The following PRKN variants were observed in gnomAD, a reference collection of about 807,000 sequenced individuals.
The protein encoded by PRKN is E3 ubiquitin-protein ligase parkin.
A neutral mutation model predicts 59.5 loss-of-function variants in PRKN; 56 were observed. That is an observed-to-expected ratio of 0.94 (90% CI 0.76 to 1.18). The LOEUF (loss-of-function observed/expected upper bound fraction) is 1.18. Among genes scored for constraint, PRKN ranks in the 50% most tolerant of loss-of-function variants. PRKN has a pLI of 0.00. For missense variants in PRKN, 657 were observed against 596.4 expected, an observed-to-expected ratio of 1.10 and a Z score of -1.06; for synonymous variants, 250 against 222.1, an observed-to-expected ratio of 1.13 and a Z score of -1.12.
chr6:162,249,071 G>C (rs1027931721), intron 3 of PRKN, among the ~76,000 whole-genome samples: 1 of 152,086 alleles, frequency 6.6e-6, no homozygotes, highest in Admixed American at 6.5e-5. Context: ...GTAGAGACGA[G>C]GTTTCACCAT....
intron 4 of PRKN, among the ~76,000 whole-genome samples, chr6:162,102,486 A>C (rs993860743): frequency 6.6e-6 from 1 of 152,214 alleles, no homozygotes; most frequent in Admixed American, 6.5e-5. Context: ...TTAATCTTAA[A>C]AGATAAGTAA....
At position 161,400,556 on chromosome 6, in the gene PRKN, C is replaced by T. The variant is rs192375622; in HGVS notation, c.1084-13679G>A. On this transcript the variant is annotated intron_variant, in intron 9 of 11. Transcript: ENST00000366898. The surrounding 1 kb of genome is among the most constrained non-coding windows in gnomAD (Gnocchi z 4.2). ...CTCAAACCCCTGACCTCAGGTAATC[C>T]GTTCCCCTCAGCCTCCCAAAGTGCT... is the stretch of plus-strand genomic sequence containing the variant. Among the ~76,000 whole-genome samples the T allele has an allele frequency of 1.3e-5, 2 of 152,046 alleles. No individual in the cohort carries two copies. Among genetic ancestry groups the T allele is most frequent in the Admixed American group, 6.6e-5 (1 of 15,262 alleles).
At chr6:161,633,652 T>C (rs78752907) in intron 7 of PRKN, among the ~76,000 whole-genome samples, 2,469 of 152,336 alleles carry the variant, frequency 0.016, 63 homozygotes, top group African/African-American at 0.057. Flanking sequence ...CCAGGAGCAC[T>C]GCTCTCCTCT....
intron 9 of PRKN, among the ~76,000 whole-genome samples, chr6:161,524,286 C>T (rs539597175): frequency 9.2e-5 from 14 of 152,092 alleles, no homozygotes; most frequent in Non-Finnish European, 1.9e-4. Context: ...GAATGAAATG[C>T]TCCCAAATAG....
intron 7 of PRKN, among the ~76,000 whole-genome samples, chr6:161,746,750 CATATATATCTATATAG>C (rs1359665999): frequency 2.7e-5 from 4 of 145,508 alleles, no homozygotes; most frequent in South Asian, 2.1e-4. Flanking sequence ...TAGATATGCA[CATATATATCTATATAG>C]ATATATATGT....
chr6:162,092,310 C>T (rs571328919), intron 4 of PRKN, among the ~76,000 whole-genome samples: 60 of 152,024 alleles, frequency 3.9e-4, no homozygotes, highest in Non-Finnish European at 8.1e-4. Context: ...GCTGATATTG[C>T]GTCATTGCGC....
intron 4 of PRKN, among the ~76,000 whole-genome samples, chr6:162,110,793 G>A (rs148177438): frequency 3.2e-4 from 49 of 152,270 alleles, no homozygotes; most frequent in Admixed American, 1.3e-3. Context: ...ATGAGCTGGC[G>A]TTCTGTGTTG....
chr6:162,591,075 T>C (rs1017855396), intron 1 of PRKN, among the ~76,000 whole-genome samples: 23 of 152,088 alleles, frequency 1.5e-4, no homozygotes, highest in Non-Finnish European at 3.2e-4. Flanking sequence ...CCCATCAGGC[T>C]GTGCTCAAGA....
At chr6:162,007,572 T>C (rs779399920) in intron 5 of PRKN, among the ~76,000 whole-genome samples, 6 of 152,136 alleles carry the variant, frequency 3.9e-5, no homozygotes, top group Non-Finnish European at 5.9e-5. Flanking sequence ...ACTTAAACCG[T>C]TGATGGCAGA....
chr6:162,229,857 C>T (rs1778347733), intron 3 of PRKN, among the ~76,000 whole-genome samples: 1 of 152,200 alleles, frequency 6.6e-6, no homozygotes, highest in Non-Finnish European at 1.5e-5. Flanking sequence ...TCATAACTAG[C>T]TCAAATTATA....
At chr6:162,266,934 T>C (rs1292476256) in intron 2 of PRKN, among the ~76,000 whole-genome samples, 5 of 152,180 alleles carry the variant, frequency 3.3e-5, no homozygotes, top group Non-Finnish European at 1.5e-5. Context: ...AAGCTATCAA[T>C]GTGACAATCT....
rs745953036 is a variant in PRKN at position 161,454,549 on chromosome 6, T to C, written c.1084-67672A>G. Among the ~76,000 whole-genome samples the C allele has an allele frequency of 5.9e-5, 9 of 152,310 alleles. No individual in the cohort carries two copies. The highest frequency in any genetic ancestry group is 1.9e-4 in the East Asian group (1 of 5,174). ...TCTAACTCAATGATAATGATAGTCA[T>C]GGAAGTTTCTTAATATCTGGGGTTT... On this transcript the variant is annotated intron_variant, in intron 9 of 11. Transcript: ENST00000366898. This position sits in a 1 kb window ranked among gnomAD's most constrained non-coding sequence, Gnocchi z 4.6.
chr6:162,237,348 A>G (rs1306824611), intron 3 of PRKN, among the ~76,000 whole-genome samples: 1 of 152,212 alleles, frequency 6.6e-6, no homozygotes, highest in African/African-American at 2.4e-5. Flanking sequence ...AACAACAACA[A>G]AACAGCACCA....
At chr6:161,784,953 G>A (rs915450027) in intron 7 of PRKN, among the ~76,000 whole-genome samples, 9 of 152,244 alleles carry the variant, frequency 5.9e-5, no homozygotes, top group South Asian at 2.1e-4. Context: ...ATTCATACAC[G>A]CTACAACTTG....
In PRKN at chr6:162,390,734, T is replaced by C. The variant is rs118082707; in HGVS notation, c.171+52576A>G. 6.6e-3 allele frequency among the ~76,000 whole-genome samples: 1,009 copies of C among 152,142 alleles called. 8 individuals carry two copies. The highest frequency in any genetic ancestry group is 0.014 in the Middle Eastern group (4 of 294). On this transcript the variant is annotated intron_variant, in intron 2 of 11. Coordinates refer to ENST00000366898, the MANE Select transcript of PRKN (RefSeq NM_004562.3). ...CTGGGATTACAGGCATGAACCACAA[T>C]GCCCAGCCCTGCTAAGGTATATTAA...
intron 7 of PRKN, among the ~76,000 whole-genome samples, chr6:161,739,184 G>A (rs1788088050): frequency 6.6e-6 from 1 of 152,090 alleles, no homozygotes; most frequent in Non-Finnish European, 1.5e-5. Flanking sequence ...AAGGTGGGAG[G>A]ATCACTTGAG....
intron 3 of PRKN, among the ~76,000 whole-genome samples, chr6:162,223,642 CACACACACACACACACACA>C (rs1277824081): frequency 1.2e-3 from 119 of 102,758 alleles, no homozygotes; most frequent in African/African-American, 5.8e-3. Flanking sequence ...CACACACACA[CACACACACACACACACACA>C]AACATAATGC....
At chr6:162,362,078 AT>A (rs1562701836) in intron 2 of PRKN, among the ~76,000 whole-genome samples, 1 of 152,166 alleles carries the variant, frequency 6.6e-6, no homozygotes, top group Non-Finnish European at 1.5e-5. Flanking sequence ...GATCCCAAAC[AT>A]TTTGCCAAAT....
rs568163372 is a variant in PRKN, at chr6:162,680,386, A to G, written c.7+47276T>C. On this transcript the variant is annotated intron_variant, in intron 1 of 11. Transcript: ENST00000366898. ...TAATATTTGAGAAACAAATTAAAAA[A>G]CATATATACTATATATATGTACACA... is the stretch of plus-strand genomic sequence containing the variant. Among the ~76,000 whole-genome samples, 4 of 150,068 alleles carry G rather than the reference A, an allele frequency of 2.7e-5. No homozygotes were observed. The South Asian group carries it at 6.2e-4, about 23-fold the overall frequency.
Sources: gnomAD v4.1 joint callset for allele counts (sites outside exome capture counted in the v4.1 genomes callset) on GRCh38, gnomAD v4.1.1 for gene constraint, Gnocchi (gnomAD v3.1) non-coding constraint, MANE v1.5 for transcripts, NCBI Gene and HGNC (gene_info 2026-07-23, HGNC 2026-07-21) for gene names.